The following SDK1 variants were observed in gnomAD, a reference collection of about 807,000 sequenced individuals.
SDK1 encodes protein sidekick-1.
Under a neutral mutation model 245.5 loss-of-function variants are expected in SDK1, and 157 were observed. The ratio of observed to expected loss-of-function variants is 0.64; its 90% CI spans 0.56 to 0.73. The LOEUF (loss-of-function observed/expected upper bound fraction) is 0.73. Among genes scored for constraint, SDK1 ranks in the 30% least tolerant of loss-of-function variants. The probability of loss-of-function intolerance (pLI) is 0.00; values close to 1 mark genes in which losing one functional copy is unlikely to be tolerated. For missense variants in SDK1, 3,583 were observed against 3,002.3 expected, an observed-to-expected ratio of 1.19 and a Z score of -4.52; for synonymous variants, 1,647 against 1,278.5, an observed-to-expected ratio of 1.29 and a Z score of -6.15.
Position 3,639,124 on chromosome 7 carries a change from AAGG to A in SDK1, c.565+17_565+19del. 6.8e-7 allele frequency: 1 copy of A among 1,460,620 alleles called. No individual in the cohort carries two copies. The highest frequency in any genetic ancestry group is 9.5e-7 in the Non-Finnish European group (1 of 1,055,640). 90.5% of individuals were successfully genotyped at this position (1,460,620 alleles called of 1,614,324 possible). A position where few individuals can be genotyped will look rare whatever the true frequency, so the allele number is the denominator to read the frequency against. ...TTCAAGTCGCATGTATGTGTACAGT[AAGG>A]AGATGTCCAAATGTTAAAGAACAAA... On this transcript the variant is annotated intron_variant, in intron 3 of 44. Coordinates refer to ENST00000404826, the MANE Select transcript of SDK1 (RefSeq NM_152744.4).
At chr7:3,336,056 G>T (rs570111957) in intron 1 of SDK1, among the ~76,000 whole-genome samples, 1 of 152,256 alleles carries the variant, frequency 6.6e-6, no homozygotes, top group Non-Finnish European at 1.5e-5. Context: ...TGAACCACCA[G>T]TAGGCACAGA....
At chr7:3,611,461 C>G (rs1318600886) in intron 1 of SDK1, among the ~76,000 whole-genome samples, 1 of 152,184 alleles carries the variant, frequency 6.6e-6, no homozygotes, top group African/African-American at 2.4e-5. Flanking sequence ...ACTGCCCTGT[C>G]CTCACTGCCT....
At position 3,476,825 on chromosome 7, in the gene SDK1, C is replaced by T. The variant is rs147805842; in HGVS notation, c.299-142255C>T. Among the ~76,000 whole-genome samples, 218 of 152,242 alleles carry T rather than the reference C, an allele frequency of 1.4e-3. 2 individuals carry two copies. Among genetic ancestry groups the T allele is most frequent in the Non-Finnish European group, 2.3e-3 (155 of 68,022 alleles). ...CAAGGTGGCTGACTGGGAACTCAGG[C>T]CTAATCTAACTAGCGGGTGGTATTC... On this transcript the variant is annotated intron_variant, in intron 1 of 44. Transcript: ENST00000404826.
At chr7:3,567,182 A>C (rs533988469) in intron 1 of SDK1, among the ~76,000 whole-genome samples, 2 of 152,206 alleles carry the variant, frequency 1.3e-5, no homozygotes, top group Non-Finnish European at 2.9e-5. Context: ...GGATTTGGTC[A>C]CTTTTCGTGT....
intron 1 of SDK1, among the ~76,000 whole-genome samples, chr7:3,316,883 A>G (rs749932087): frequency 7.9e-5 from 12 of 152,246 alleles, no homozygotes; most frequent in Middle Eastern, 3.4e-3. Flanking sequence ...TAAACCTTTT[A>G]AAAAGGGTCT....
chr7:3,677,393 C>T (rs1783938476), intron 4 of SDK1, among the ~76,000 whole-genome samples: 1 of 152,214 alleles, frequency 6.6e-6, no homozygotes, highest in South Asian at 2.1e-4. Flanking sequence ...CTCACAGTTC[C>T]ACATGGCTGG....
intron 1 of SDK1, among the ~76,000 whole-genome samples, chr7:3,336,515 C>T (rs1780204358): frequency 6.6e-6 from 1 of 152,200 alleles, no homozygotes; most frequent in African/African-American, 2.4e-5. Context: ...TCTTCCATCC[C>T]CATCATCCCC....
intron 5 of SDK1, among the ~76,000 whole-genome samples, chr7:3,899,889 C>T (rs1781726449): frequency 6.6e-6 from 1 of 152,248 alleles, no homozygotes; most frequent in Non-Finnish European, 1.5e-5. Flanking sequence ...GCACACAGCT[C>T]TGCTGCAGGC....
At chr7:3,502,592 T>G (rs920440525) in intron 1 of SDK1, among the ~76,000 whole-genome samples, 19 of 152,340 alleles carry the variant, frequency 1.2e-4, no homozygotes, top group African/African-American at 4.3e-4. Context: ...ATTTAAAGCA[T>G]GATTGCACAT....
Position 3,324,305 on chromosome 7 carries a change from CAAAG to C in SDK1, c.298+22423_298+22426del, listed in dbSNP as rs202131544. Among the ~76,000 whole-genome samples the C allele has an allele frequency of 5.3e-5, 8 of 152,208 alleles. No homozygotes were observed. The East Asian group carries it at 1.5e-3, about 29-fold the overall frequency. On this transcript the variant is annotated intron_variant, in intron 1 of 44. Transcript: ENST00000404826. ...TAGTATATTGCTTGATAAATTTTCACAAAGAGACATGCACATGTAATTAATACCC... is the reference window on the plus strand; with the variant it reads ...TAGTATATTGCTTGATAAATTTTCACAGACATGCACATGTAATTAATACCC...
At chr7:3,538,001 T>C (rs1778937139) in intron 1 of SDK1, among the ~76,000 whole-genome samples, 1 of 152,182 alleles carries the variant, frequency 6.6e-6, no homozygotes, top group African/African-American at 2.4e-5. Context: ...GGGAAAGGGA[T>C]CCAGGCACTG....
intron 5 of SDK1, among the ~76,000 whole-genome samples, chr7:3,932,457 A>C (rs1031894794): frequency 5.3e-5 from 8 of 152,116 alleles, no homozygotes; most frequent in Non-Finnish European, 7.4e-5. Flanking sequence ...TAAATAGATA[A>C]CCTTGGGTCA....
At chr7:4,110,858 C>G in intron 23 of SDK1, 86 bp downstream of exon 23, 2 of 860,888 alleles carry the variant, frequency 2.3e-6, no homozygotes, top group East Asian at 2.5e-5. Context: ...AAAACCCAGT[C>G]GTACGTATGC....
intron 4 of SDK1, among the ~76,000 whole-genome samples, chr7:3,659,825 G>A (rs1177635597): frequency 1.3e-5 from 2 of 152,246 alleles, no homozygotes; most frequent in African/African-American, 4.8e-5. Flanking sequence ...GGATGACGTG[G>A]AGAAAAGTGG....
intron 22 of SDK1, among the ~76,000 whole-genome samples, chr7:4,080,360 A>G (rs767621553): frequency 6.6e-6 from 1 of 152,172 alleles, no homozygotes; most frequent in Non-Finnish European, 1.5e-5. Flanking sequence ...TGCCACTTCC[A>G]TGTTCCAATA....
chr7:3,872,842 A>G (rs1244492091), intron 5 of SDK1, among the ~76,000 whole-genome samples: 1 of 152,128 alleles, frequency 6.6e-6, no homozygotes, highest in Non-Finnish European at 1.5e-5. Flanking sequence ...CACACGGAGT[A>G]TAAGGACCTT....
chr7:3,623,358 A>G (rs1782004479), intron 2 of SDK1, among the ~76,000 whole-genome samples: 1 of 148,292 alleles, frequency 6.7e-6, no homozygotes, highest in African/African-American at 2.5e-5. Flanking sequence ...AGCGATTGTC[A>G]GCCTCCTGCG....
intron 27 of SDK1, among the ~76,000 whole-genome samples, chr7:4,131,296 G>C (rs1230618594): frequency 6.6e-6 from 1 of 152,188 alleles, no homozygotes. Context: ...TTCCTCCTCT[G>C]CTTTCCAGCA....
rs185497125 is a variant in SDK1, at chr7:3,864,147, C to T, written c.847+42564C>T. Among the ~76,000 whole-genome samples the T allele has an allele frequency of 2.2e-3, 339 of 152,266 alleles. 6 individuals are homozygous for T. In the South Asian group the frequency reaches 0.029, roughly 13 times the overall value. On this transcript the variant is annotated intron_variant, in intron 5 of 44. Transcript: ENST00000404826. ...TTCATAATAAACATTCTACTTAGTACAAAGAAGTAGGCTGGTCTATTTTTC... is the reference window on the plus strand; with the variant it reads ...TTCATAATAAACATTCTACTTAGTATAAAGAAGTAGGCTGGTCTATTTTTC...
Sources: allele counts gnomAD v4.1 joint callset (sites outside exome capture counted in the v4.1 genomes callset), GRCh38; gene constraint gnomAD v4.1.1; transcripts MANE v1.5; gene names NCBI Gene and HGNC (gene_info 2026-07-23, HGNC 2026-07-21).